BRAF: variants seen among roughly 807,000 people sequenced by gnomAD.
The protein encoded by BRAF is serine/threonine-protein kinase B-raf.
A neutral mutation model predicts 104.6 loss-of-function variants in BRAF; 16 were observed. The ratio of observed to expected loss-of-function variants is 0.15; its 90% CI spans 0.10 to 0.23. The LOEUF is 0.23. Ranked by LOEUF, BRAF falls within the 10% of genes least tolerant of loss-of-function variation. The pLI is 1.00. For missense variants in BRAF, 541 were observed against 937.3 expected (o/e 0.58, Z 5.52); for synonymous variants, 310 against 341.6 (o/e 0.91, Z 1.02).
At chr7:140,843,926 G>A (rs1022613489) in intron 2 of BRAF, among the ~76,000 whole-genome samples, 4 of 152,032 alleles carry the variant, frequency 2.6e-5, no homozygotes, top group Admixed American at 6.6e-5. Context: ...GGAGAATGGC[G>A]TGAACCCGGG....
intron 3 of BRAF, among the ~76,000 whole-genome samples, chr7:140,820,505 A>T (rs1359964039): frequency 1.3e-5 from 2 of 152,246 alleles, no homozygotes; most frequent in East Asian, 1.9e-4. Flanking sequence ...CACCCTGAAC[A>T]ATCATAAAAA....
intron 2 of BRAF, among the ~76,000 whole-genome samples, chr7:140,842,197 T>C (rs1808040659): frequency 6.6e-6 from 1 of 152,182 alleles, no homozygotes; most frequent in Non-Finnish European, 1.5e-5. Context: ...ATTAAACGCA[T>C]GGGCTGTAAA....
At chr7:140,899,757 T>C (rs1815388408) in intron 1 of BRAF, among the ~76,000 whole-genome samples, 1 of 152,226 alleles carries the variant, frequency 6.6e-6, no homozygotes, top group Non-Finnish European at 1.5e-5. Context: ...GTTCATTCTT[T>C]ACATGTTGTA....
At chr7:140,904,898 C>T (rs375410793) in intron 1 of BRAF, among the ~76,000 whole-genome samples, 2 of 152,260 alleles carry the variant, frequency 1.3e-5, no homozygotes, top group African/African-American at 2.4e-5. Flanking sequence ...TGAGCCACTG[C>T]GCCTGACCAG....
At chr7:140,812,076 CT>C (rs954698066) in intron 3 of BRAF, among the ~76,000 whole-genome samples, 9 of 151,562 alleles carry the variant, frequency 5.9e-5, no homozygotes, top group African/African-American at 1.7e-4. Context: ...AGAAGGCATT[CT>C]TTTTTTCTTT....
intron 1 of BRAF, among the ~76,000 whole-genome samples, chr7:140,863,818 C>T (rs1298136091): frequency 1.3e-5 from 2 of 152,180 alleles, no homozygotes; most frequent in African/African-American, 2.4e-5. Flanking sequence ...CCTGAGGCCT[C>T]CCCAGAAGGT....
intron 3 of BRAF, among the ~76,000 whole-genome samples, chr7:140,816,942 A>G (rs976682604): frequency 6.6e-6 from 1 of 152,048 alleles, no homozygotes; most frequent in Non-Finnish European, 1.5e-5. Context: ...TCGACACACT[A>G]TTGGAAGTCC....
Position 140,721,525 on chromosome 7 carries a change from T to G in BRAF, c.*4969A>C. On this transcript the variant is annotated 3_prime_UTR_variant, in exon 20 of 20. Coordinates refer to ENST00000644969, the MANE Select transcript of BRAF (RefSeq NM_001374258.1). ...GTCTAGTGTACTAATAAAACAAACATCTTACCAGTATTTTTAATTTTACCA... is the reference window on the plus strand; with the variant it reads ...GTCTAGTGTACTAATAAAACAAACAGCTTACCAGTATTTTTAATTTTACCA... 1 of 1,430,294 alleles carries G rather than the reference T, an allele frequency of 7.0e-7. No homozygotes were observed. The highest frequency in any genetic ancestry group is 9.1e-7 in the Non-Finnish European group (1 of 1,096,170). The allele number at this position is 1,430,294 out of a possible 1,614,324, so 88.6% of individuals were successfully genotyped here.
At chr7:140,852,381 A>C (rs1263102053) in intron 1 of BRAF, among the ~76,000 whole-genome samples, 2 of 146,526 alleles carry the variant, frequency 1.4e-5, no homozygotes, top group African/African-American at 5.1e-5. Context: ...CCGCCACCCC[A>C]CAACCTGCCA....
chr7:140,761,164 A>G (rs900802492), intron 14 of BRAF, among the ~76,000 whole-genome samples: 2 of 152,266 alleles, frequency 1.3e-5, no homozygotes, highest in African/African-American at 4.8e-5. Context: ...CACAAAGGGA[A>G]GCCCATCAGA....
intron 1 of BRAF, among the ~76,000 whole-genome samples, chr7:140,863,516 A>G (rs1310884106): frequency 6.6e-6 from 1 of 152,230 alleles, no homozygotes; most frequent in Non-Finnish European, 1.5e-5. Context: ...AATCTGATTT[A>G]TATTTTACTA....
At chr7:140,776,119 G>A (rs1405637899) in intron 14 of BRAF, among the ~76,000 whole-genome samples, 1 of 151,998 alleles carries the variant, frequency 6.6e-6, no homozygotes, top group Non-Finnish European at 1.5e-5. Context: ...TTCCTTATCT[G>A]TAAAAAGAAA....
intron 12 of BRAF, 89 bp downstream of exon 11, chr7:140,781,487 A>G (rs1800864146): frequency 2.4e-6 from 3 of 1,238,666 alleles, no homozygotes; most frequent in Non-Finnish European, 2.4e-6. Flanking sequence ...AACAGTGAAT[A>G]TTTCCTTTGA....
chr7:140,880,848 T>C (rs1397975691), intron 1 of BRAF, among the ~76,000 whole-genome samples: 1 of 150,548 alleles, frequency 6.6e-6, no homozygotes, highest in Admixed American at 6.6e-5. Context: ...TGCATGCCTG[T>C]AGTCCCACCT....
intron 3 of BRAF, among the ~76,000 whole-genome samples, chr7:140,809,887 T>A (rs1804052047): frequency 7.1e-6 from 1 of 140,346 alleles, no homozygotes; most frequent in Non-Finnish European, 1.5e-5. Flanking sequence ...AAAAAAGTAA[T>A]CTCTCTGTAT....
chr7:140,760,122 C>T (rs546705238), intron 14 of BRAF, among the ~76,000 whole-genome samples: 11 of 152,232 alleles, frequency 7.2e-5, no homozygotes, highest in South Asian at 2.1e-4. Context: ...TATTAAGACG[C>T]TGTTTCCTGG....
chr7:140,809,591 C>T (rs1804011004), intron 3 of BRAF, among the ~76,000 whole-genome samples: 1 of 152,202 alleles, frequency 6.6e-6, no homozygotes, highest in Admixed American at 6.5e-5. Context: ...CAGAAGCTGG[C>T]TAATCAGTTT....
At position 140,778,137 on chromosome 7, in the gene BRAF, T is replaced by C. The variant is rs541563117; in HGVS notation, c.1553-62A>G. 4.5e-5 allele frequency: 66 copies of C among 1,475,918 alleles called. No individual in the cohort carries two copies. The African/African-American group carries it at 6.7e-4, about 15-fold the overall frequency. The allele number at this position is 1,475,918 out of a possible 1,614,324, so 91.4% of individuals were successfully genotyped here. ...TTTTAAAATTTAAAAGTATAAAACA[T>C]TCTTGGGTGTTTTCACTAATTATCA... On this transcript the variant is annotated intron_variant, in intron 12 of 19. Transcript: ENST00000644969.
intron 3 of BRAF, among the ~76,000 whole-genome samples, chr7:140,813,733 G>A (rs56306956): frequency 0.082 from 12,418 of 151,980 alleles, 1,639 homozygotes; most frequent in African/African-American, 0.28. Flanking sequence ...CTACATAAAC[G>A]TTAAAAACAA....
Sources: allele counts gnomAD v4.1 joint callset (sites outside exome capture counted in the v4.1 genomes callset), GRCh38; gene constraint gnomAD v4.1.1; transcripts MANE v1.5; gene names NCBI Gene and HGNC (gene_info 2026-07-23, HGNC 2026-07-21).